Variants in CFAP221 observed in about 807,000 individuals in gnomAD.
CFAP221 encodes cilia- and flagella-associated protein 221.
Under a neutral mutation model 113.1 loss-of-function variants are expected in CFAP221, and 97 were observed. The observed-to-expected ratio is 0.86, with a 90% confidence interval of 0.73 to 1.02. The LOEUF (loss-of-function observed/expected upper bound fraction) is 1.02, where lower values mean the gene tolerates loss of function less well. Among genes scored for constraint, CFAP221 ranks in the 50% least tolerant of loss-of-function variants. The pLI is 0.00. For missense variants in CFAP221, 1,025 were observed against 1,013.4 expected, an observed-to-expected ratio of 1.01 and a Z score of -0.16; for synonymous variants, 331 against 354.4, an observed-to-expected ratio of 0.93 and a Z score of 0.74.
chr2:119,583,709 C>T (rs1683005557), intron 6 of CFAP221, among the ~76,000 whole-genome samples: 1 of 152,170 alleles, frequency 6.6e-6, no homozygotes, highest in African/African-American at 2.4e-5. Flanking sequence ...ATCTAACCCC[C>T]AAGGTGATCT....
chr2:119,568,711 G>C (rs894364375), intron 6 of CFAP221, among the ~76,000 whole-genome samples: 11 of 152,034 alleles, frequency 7.2e-5, no homozygotes, highest in African/African-American at 2.7e-4. Context: ...TGGTGTATAC[G>C]TACCACATTG....
chr2:119,639,992 G>C (rs961772709), intron 21 of CFAP221, 120 bp downstream of exon 21: 2 of 805,912 alleles, frequency 2.5e-6, no homozygotes, highest in Non-Finnish European at 4.0e-6. Context: ...CATGAGAGAA[G>C]TTTGCTAGTC....
chr2:119,573,236 T>G (rs1346566291), intron 6 of CFAP221: 1 of 152,190 alleles, frequency 6.6e-6, no homozygotes, highest in Non-Finnish European at 1.5e-5. Context: ...TGGGTTAAAA[T>G]GCAGATGTCA....
chr2:119,588,009 A>G (rs573286180), intron 7 of CFAP221, among the ~76,000 whole-genome samples: 1 of 152,338 alleles, frequency 6.6e-6, no homozygotes, highest in East Asian at 1.9e-4. Context: ...CACTGTTTAT[A>G]TTGCAAAAAA....
intron 6 of CFAP221, among the ~76,000 whole-genome samples, chr2:119,586,301 A>G (rs1165530328): frequency 6.6e-6 from 1 of 152,098 alleles, no homozygotes; most frequent in African/African-American, 2.4e-5. Flanking sequence ...ACTGCACAGG[A>G]TGTAGAATTA....
chr2:119,608,088 G>A (rs916299982), intron 11 of CFAP221, among the ~76,000 whole-genome samples: 2 of 152,136 alleles, frequency 1.3e-5, no homozygotes, highest in African/African-American at 2.4e-5. Context: ...CCACCAAACT[G>A]TTTTCCATGG....
chr2:119,642,490 A>G (rs1035334881), intron 21 of CFAP221, among the ~76,000 whole-genome samples: 1 of 147,314 alleles, frequency 6.8e-6, no homozygotes, highest in Non-Finnish European at 1.5e-5. Context: ...TTGTCTTCTC[A>G]CTGTGTCCAA....
intron 3 of CFAP221, among the ~76,000 whole-genome samples, chr2:119,554,955 C>T (rs1029148894): frequency 1.3e-5 from 2 of 152,130 alleles, no homozygotes; most frequent in Admixed American, 6.5e-5. Context: ...GGTCGGGACC[C>T]ACTCCAAGCC....
chr2:119,568,664 A>T (rs774697251), intron 6 of CFAP221, among the ~76,000 whole-genome samples: 2 of 152,198 alleles, frequency 1.3e-5, no homozygotes, highest in Non-Finnish European at 2.9e-5. Context: ...TGCAAAGGAC[A>T]TTATTTCATT....
At chr2:119,552,330 AAT>A (rs1232866508) in intron 3 of CFAP221, among the ~76,000 whole-genome samples, 1 of 143,678 alleles carries the variant, frequency 7.0e-6, no homozygotes, top group Non-Finnish European at 1.5e-5. Context: ...AATAAATAGA[AAT>A]ATTTCTTTCT....
chr2:119,629,542 G>T (rs1388270405), intron 16 of CFAP221, among the ~76,000 whole-genome samples: 1 of 152,106 alleles, frequency 6.6e-6, no homozygotes, highest in Non-Finnish European at 1.5e-5. Flanking sequence ...GGGCTCCCCT[G>T]CCCCCAAGAG....
At chr2:119,628,294 G>GTGTGTGTGTGTGT (rs371675389) in intron 16 of CFAP221, among the ~76,000 whole-genome samples, 4,401 of 137,512 alleles carry the variant, frequency 0.032, 190 homozygotes, top group East Asian at 0.053. Flanking sequence ...CTCTCTGGGG[G>GTGTGTGTGTGTGT]GTGTGTGTGT....
At position 119,560,627 on chromosome 2, in the gene CFAP221, C is replaced by T. The variant is rs558439108; in HGVS notation, c.426+601C>T. On this transcript the variant is annotated intron_variant, in intron 5 of 23. Coordinates refer to ENST00000413369, the MANE Select transcript of CFAP221 (RefSeq NM_001271049.2). The stretch of plus-strand genomic sequence containing the variant: ...GCTCTATAGTCCAGACCCCAGTCTT[C>T]AGCTTGAGAAGCCATTAGGTTAGCT... Among the ~76,000 whole-genome samples the T allele has an allele frequency of 8.5e-5, 13 of 152,196 alleles. No homozygotes were observed. The East Asian group carries it at 2.5e-3, about 30-fold the overall frequency.
intron 6 of CFAP221, among the ~76,000 whole-genome samples, chr2:119,570,315 T>A (rs1681952329): frequency 6.6e-6 from 1 of 152,228 alleles, no homozygotes; most frequent in Non-Finnish European, 1.5e-5. Context: ...TAGCTAGAAC[T>A]GGGTATTTCT....
intron 8 of CFAP221, among the ~76,000 whole-genome samples, chr2:119,604,257 A>T (rs1458525070): frequency 1.3e-5 from 2 of 152,074 alleles, no homozygotes; most frequent in Non-Finnish European, 2.9e-5. Flanking sequence ...AACATGGTGA[A>T]ACCCCGTCTC....
intron 16 of CFAP221, among the ~76,000 whole-genome samples, chr2:119,629,366 C>G (rs1686601121): frequency 6.6e-6 from 1 of 152,144 alleles, no homozygotes. Flanking sequence ...TGGGGTCCAC[C>G]TCAACAAAGG....
chr2:119,620,286 T>A (rs1309875342), intron 14 of CFAP221, among the ~76,000 whole-genome samples: 2 of 152,072 alleles, frequency 1.3e-5, no homozygotes, highest in East Asian at 3.9e-4. Context: ...AGACACATAA[T>A]CATCAGATTC....
At chr2:119,574,830 TTAAA>T (rs1682325979) in intron 6 of CFAP221, among the ~76,000 whole-genome samples, 1 of 152,246 alleles carries the variant, frequency 6.6e-6, no homozygotes, top group Non-Finnish European at 1.5e-5. Context: ...CTATAATTTC[TTAAA>T]TAATTTTTTA....
chr2:119,559,022 T>G (rs1681029114), intron 3 of CFAP221, among the ~76,000 whole-genome samples: 1 of 152,194 alleles, frequency 6.6e-6, no homozygotes, highest in Non-Finnish European at 1.5e-5. Context: ...AACCTTCTCC[T>G]GGCCCAGGCA....
Sources: gnomAD v4.1 joint callset for allele counts (sites outside exome capture counted in the v4.1 genomes callset) on GRCh38, gnomAD v4.1.1 for gene constraint, MANE v1.5 for transcripts, NCBI Gene and HGNC (gene_info 2026-07-23, HGNC 2026-07-21) for gene names.